TMF1: variants seen among roughly 807,000 people sequenced by gnomAD.
TMF1 encodes TATA element modulatory factor 1, also known as TATA element modulatory factor.
In TMF1, 71 loss-of-function variants were observed where a neutral mutation model predicts 126.5. The observed-to-expected ratio is 0.56, with a 90% CI of 0.46 to 0.68. The LOEUF is 0.68. TMF1 is among the 30% of genes least tolerant of loss of function. The pLI is 0.00. For synonymous variants in TMF1, 461 were observed against 430.5 expected, an observed-to-expected ratio of 1.07 and a Z score of -0.88; for missense variants, 1,259 against 1,253.2, an observed-to-expected ratio of 1.00 and a Z score of -0.07.
At chr3:69,047,096 A>T (rs774584932) in intron 2 of TMF1, among the ~76,000 whole-genome samples, 13 of 152,190 alleles carry the variant, frequency 8.5e-5, no homozygotes, top group Non-Finnish European at 7.3e-5. Flanking sequence ...ATAAGGACTC[A>T]AAAATAAAGA....
chr3:69,027,729 G>C (rs1324419731), intron 13 of TMF1, among the ~76,000 whole-genome samples, 171 bp downstream of exon 13: 1 of 149,734 alleles, frequency 6.7e-6, no homozygotes, highest in Non-Finnish European at 1.5e-5. Flanking sequence ...ATTTAAGAAA[G>C]TTTGCAAATT....
chr3:69,020,980 AT>A lies in TMF1; in HGVS notation c.*2196del, dbSNP rs1427344829. On this transcript the variant is annotated 3_prime_UTR_variant, in exon 17 of 17. Transcript: ENST00000398559. ...CGTCTAGTTTCAAATGCTTCAGAGA[AT>A]TTTGTAACTTAAGTTTCATATAGAG... 1.3e-5 allele frequency: 2 copies of A among 152,210 alleles called. No homozygotes were observed. Among genetic ancestry groups the A allele is most frequent in the Non-Finnish European group, 2.9e-5 (2 of 68,034 alleles). 9.4% of individuals were successfully genotyped at this position (152,210 alleles called of 1,614,324 possible). A position where few individuals can be genotyped will look rare whatever the true frequency, so the allele number is the denominator to read the frequency against.
intron 6 of TMF1, among the ~76,000 whole-genome samples, chr3:69,039,246 C>T (rs551107281): frequency 2.6e-5 from 4 of 152,210 alleles, no homozygotes; most frequent in African/African-American, 9.6e-5. Context: ...CCACCACGCC[C>T]GGCTAATTTT....
At chr3:69,042,769 T>TA (rs2091874546) in intron 5 of TMF1, 38 bp downstream of exon 5, 1 of 1,516,694 alleles carries the variant, frequency 6.6e-7, no homozygotes, top group African/African-American at 1.4e-5. Context: ...TTCCTGTTCT[T>TA]ACAGTATTTT....
At chr3:69,051,647 G>A (rs990938359) in intron 1 of TMF1, among the ~76,000 whole-genome samples, 1 of 152,102 alleles carries the variant, frequency 6.6e-6, no homozygotes, top group Admixed American at 6.5e-5. Flanking sequence ...CTTGGAAGCT[G>A]CGTCGAGGGA....
rs938226641 is a variant in TMF1 at position 69,043,430 on chromosome 3, G to A, written c.1578+320C>T. On this transcript the variant is annotated intron_variant, in intron 4 of 16. Coordinates refer to ENST00000398559, the MANE Select transcript of TMF1 (RefSeq NM_007114.3). The stretch of plus-strand genomic sequence containing the variant: ...AGCGATCCACCCTCTTCGGCCTCCT[G>A]AGTAGCTGTGACCACAGGCGCACAC... Among the ~76,000 whole-genome samples the A allele has an allele frequency of 2.0e-5, 3 of 151,980 alleles. No homozygotes were observed. In the East Asian group the frequency reaches 5.8e-4, roughly 29 times the overall value.
intron 5 of TMF1, 119 bp from the exon 6 acceptor site, chr3:69,039,812 C>A: frequency 9.0e-7 from 1 of 1,106,574 alleles, no homozygotes. Context: ...AATTTTGTAA[C>A]CCACAATGTT....
chr3:69,035,913 G>A (rs906196051), intron 8 of TMF1, among the ~76,000 whole-genome samples: 1 of 151,870 alleles, frequency 6.6e-6, no homozygotes, highest in African/African-American at 2.4e-5. Context: ...ATTTATGCAT[G>A]GTAACTCATA....
At position 69,038,671 on chromosome 3, in the gene TMF1, G is replaced by T. The variant is rs925656600; in HGVS notation, c.2044C>A (p.Gln682Lys). The change falls in exon 8 of 17, where the codon CAG becomes AAG. Residue 682 changes from glutamine (Q) to lysine (K), a missense_variant. Physicochemically the swap from Gln to Lys is moderately conservative, Grantham distance 53. Transcript: ENST00000398559. ...KANAAKDSEA[Q>K]EAALSREMKA... ...ATTTCACGGCTCAGAGCAGCTTCCT[G>T]TGCCTCACTATCCTTTGCAGCATTG... The T allele has an allele frequency of 2.5e-6, 4 of 1,614,168 alleles. No homozygotes were observed. Among genetic ancestry groups the T allele is most frequent in the East Asian group, 4.5e-5 (2 of 44,886 alleles).
chr3:69,049,734 C>T (rs1189958889), intron 1 of TMF1, among the ~76,000 whole-genome samples: 1 of 152,056 alleles, frequency 6.6e-6, no homozygotes, highest in Non-Finnish European at 1.5e-5. Context: ...ATCAGTCATA[C>T]AAATAGCTAC....
rs867030494 is a variant in TMF1 at position 69,046,075 on chromosome 3, C to T, written c.1347+1283G>A. ...TGTGAGCCGCGATCGCACCACTGCA[C>T]GCTAGCCTGGACAATAGAGAGAGAC... is the stretch of plus-strand genomic sequence containing the variant. On this transcript the variant is annotated intron_variant, in intron 2 of 16. Transcript: ENST00000398559. Among the ~76,000 whole-genome samples, 9 of 152,174 alleles carry T rather than the reference C, an allele frequency of 5.9e-5. No homozygotes were observed. The South Asian group carries it at 1.9e-3, about 32-fold the overall frequency.
At chr3:69,024,235 C>T in intron 15 of TMF1, 55 bp from the exon 16 acceptor site, 1 of 1,421,802 alleles carries the variant, frequency 7.0e-7, no homozygotes. Context: ...TTTTAATACT[C>T]CCAGTAATAT....
At chr3:69,034,635 A>G (rs1448464431) in intron 9 of TMF1, among the ~76,000 whole-genome samples, 3 of 152,200 alleles carry the variant, frequency 2.0e-5, no homozygotes, top group Non-Finnish European at 2.9e-5. Context: ...TGAAAAATCA[A>G]CCTAAATTGT....
In TMF1 at chr3:69,048,228, A is replaced by G. The variant is rs1359730496; in HGVS notation, c.477T>C (p.Val159=). ...ESQVKDSSLC[V]SGETLAAGTS... is the part of the protein sequence containing the mutation. ...TACCTGCTGCCAGAGTTTCCCCTGA[A>G]ACACACAAAGAAGAGTCTTTTACTT... Residue 159 remains valine (V), a synonymous_variant, in exon 2 of 17, where the codon GTT becomes GTC. Transcript: ENST00000398559. The G allele has an allele frequency of 6.2e-7, 1 of 1,614,206 alleles. No homozygotes were observed. The highest frequency in any genetic ancestry group is 1.7e-5 in the Admixed American group (1 of 60,026).
At chr3:69,039,069 T>C (rs1040133900) in intron 6 of TMF1, 60 bp from the exon 7 acceptor site, 12 of 1,249,796 alleles carry the variant, frequency 9.6e-6, no homozygotes, top group Non-Finnish European at 1.2e-5. Context: ...GGTAAATAAC[T>C]GTATTCCAGG....
chr3:69,039,127 C>T (rs1200143402), intron 6 of TMF1, 118 bp from the exon 7 acceptor site: 15 of 925,290 alleles, frequency 1.6e-5, no homozygotes, highest in South Asian at 1.4e-4. Flanking sequence ...GACAAAGTCT[C>T]GCTCTATTGC....
chr3:69,049,847 A>C (rs959195783), intron 1 of TMF1, among the ~76,000 whole-genome samples: 5 of 152,234 alleles, frequency 3.3e-5, no homozygotes. Flanking sequence ...TCTTTTTCAA[A>C]TTAAAATGTG....
rs201252682 is a variant in TMF1 at position 69,048,496 on chromosome 3, G to C, written c.209C>G (p.Pro70Arg). The C allele has an allele frequency of 1.1e-4, 173 of 1,613,898 alleles. No individual in the cohort carries two copies. Among genetic ancestry groups the C allele is most frequent in the Middle Eastern group, 1.6e-4 (1 of 6,084 alleles). The stretch of plus-strand genomic sequence containing the variant: ...AGGAGAGGCTATTGGTGGACTCTGA[G>C]GTTCAGTGTTTGATTTCAACCCCCA... Reference protein sequence around the residue: ...STWGLKSNTEPQSPPIASPKA... With the variant: ...STWGLKSNTERQSPPIASPKA... The change falls in exon 2 of 17, where the codon CCT (proline) becomes CGT (arginine). Residue 70 changes from proline to arginine, a missense_variant. Pro to Arg is a moderately radical substitution (Grantham distance 103, BLOSUM62 -2). Transcript: ENST00000398559.
At chr3:69,049,680 A>C (rs2091915335) in intron 1 of TMF1, among the ~76,000 whole-genome samples, 1 of 152,214 alleles carries the variant, frequency 6.6e-6, no homozygotes, top group Non-Finnish European at 1.5e-5. Flanking sequence ...AAAAAGCGCT[A>C]CAAAGAAAAT....
Sources: allele counts gnomAD v4.1 joint callset (sites outside exome capture counted in the v4.1 genomes callset), GRCh38; gene constraint gnomAD v4.1.1; transcripts MANE v1.5; gene names NCBI Gene and HGNC (gene_info 2026-07-23, HGNC 2026-07-21).